C12orf54: variants seen among roughly 807,000 people sequenced by gnomAD.
C12orf54 encodes the protein uncharacterized protein C12orf54.
A neutral mutation model predicts 26.4 loss-of-function variants in C12orf54; 24 were observed. That is an observed-to-expected ratio of 0.91 (90% CI 0.66 to 1.28). The LOEUF (loss-of-function observed/expected upper bound fraction) is 1.28. Ranked by LOEUF, C12orf54 falls within the 50% of genes most tolerant of loss-of-function variation. The pLI is 0.00. For missense variants in C12orf54, 154 were observed against 150.9 expected (o/e 1.02, Z -0.11); for synonymous variants, 54 against 47.0 (o/e 1.15, Z -0.61).
chr12:48,493,118 C>A (rs1407755340), intron 7 of C12orf54, 123 bp downstream of exon 7: 2 of 830,208 alleles, frequency 2.4e-6, no homozygotes, highest in African/African-American at 1.7e-5. Context: ...TCCAAAGGGG[C>A]AAGAAGTGCC....
intron 3 of C12orf54, 124 bp from the exon 4 acceptor site, chr12:48,486,564 G>T (rs1005545997): frequency 2.0e-6 from 2 of 979,840 alleles, no homozygotes; most frequent in South Asian, 3.1e-5. Context: ...GAGAAATGGG[G>T]TGATTTTGGG....
rs1592203261 is a variant in C12orf54, at chr12:48,490,763, C to A, written c.169-49C>A. ...CTATAGCTAATACAGTGCAGGTCTG[C>A]AGGAGACCAGCCCCCATCATCTCTG... is the stretch of plus-strand genomic sequence containing the variant. On this transcript the variant is annotated intron_variant, in intron 5 of 8. Coordinates refer to ENST00000548364, the MANE Select transcript of C12orf54 (RefSeq NM_152319.4). 9 of 1,607,876 alleles carry A rather than the reference C, an allele frequency of 5.6e-6. No individual in the cohort carries two copies. The African/African-American group carries it at 8.0e-5, about 14-fold the overall frequency.
At chr12:48,430,794 T>C in the C12orf54 span, among the ~76,000 whole-genome samples, 239 of 152,316 alleles carry the variant, frequency 1.6e-3, no homozygotes, top group African/African-American at 5.3e-3. Context: ...ATCTCACTAC[T>C]GAGTATCTAC....
chr12:48,481,860 T>TC (rs769150134), upstream of C12orf54, among the ~76,000 whole-genome samples: 2 of 152,140 alleles, frequency 1.3e-5, no homozygotes, highest in Non-Finnish European at 2.9e-5. Flanking sequence ...AGGCTGCTCC[T>TC]CCAGGGGTCT....
chr12:48,430,152 C>T, the C12orf54 span, among the ~76,000 whole-genome samples: 10 of 152,222 alleles, frequency 6.6e-5, no homozygotes, highest in Admixed American at 3.9e-4. Flanking sequence ...CAAAAATTAA[C>T]TCAAGATGGA....
At chr12:48,494,712 C>T in intron 7 of C12orf54, 86 bp from the exon 8 acceptor site, 1 of 1,403,092 alleles carries the variant, frequency 7.1e-7, no homozygotes, top group Non-Finnish European at 9.9e-7. Context: ...ATAATAGAAT[C>T]TCTAAGGGCA....
the C12orf54 span, among the ~76,000 whole-genome samples, chr12:48,468,981 G>A: frequency 1.6e-4 from 24 of 152,168 alleles, no homozygotes; most frequent in Non-Finnish European, 3.1e-4. Flanking sequence ...GTGTGGGAGT[G>A]TATGAATAGG....
At chr12:48,433,473 G>A in the C12orf54 span, among the ~76,000 whole-genome samples, 2 of 148,304 alleles carry the variant, frequency 1.3e-5, no homozygotes. Flanking sequence ...GGGGGGGCAG[G>A]ATCTTGCTCT....
chr12:48,471,819 T>G, the C12orf54 span, among the ~76,000 whole-genome samples: 2 of 152,210 alleles, frequency 1.3e-5, no homozygotes, highest in African/African-American at 4.8e-5. Flanking sequence ...CTACTTTTGC[T>G]ATTCAGGCTA....
the C12orf54 span, among the ~76,000 whole-genome samples, chr12:48,460,171 T>C: frequency 6.6e-6 from 1 of 151,582 alleles, no homozygotes; most frequent in East Asian, 2.0e-4. Context: ...AAACCTAGGC[T>C]TACAGAGTTT....
chr12:48,465,702 G>A, the C12orf54 span, among the ~76,000 whole-genome samples: 1 of 151,940 alleles, frequency 6.6e-6, no homozygotes, highest in Non-Finnish European at 1.5e-5. Flanking sequence ...AGAAAATGTG[G>A]TACATACACA....
At chr12:48,434,786 G>A in the C12orf54 span, among the ~76,000 whole-genome samples, 1 of 151,860 alleles carries the variant, frequency 6.6e-6, no homozygotes, top group East Asian at 1.9e-4. Context: ...AAAGACCAAA[G>A]GTAGATAAAA....
the C12orf54 span, among the ~76,000 whole-genome samples, chr12:48,475,508 G>C: frequency 6.6e-6 from 1 of 152,138 alleles, no homozygotes; most frequent in South Asian, 2.1e-4. Context: ...AAAAAAATTA[G>C]ATGAATGGAT....
the C12orf54 span, among the ~76,000 whole-genome samples, chr12:48,418,026 A>C: frequency 1.3e-5 from 2 of 152,324 alleles, no homozygotes; most frequent in East Asian, 3.9e-4. Context: ...GCTAGAAAAA[A>C]AAATTTAGAT....
chr12:48,464,739 A>G, the C12orf54 span, among the ~76,000 whole-genome samples: 2 of 152,150 alleles, frequency 1.3e-5, no homozygotes, highest in South Asian at 2.1e-4. Flanking sequence ...CCAATAGAAC[A>G]GAATAGAGAA....
the C12orf54 span, among the ~76,000 whole-genome samples, chr12:48,476,040 C>T: frequency 2.0e-5 from 3 of 151,302 alleles, no homozygotes; most frequent in African/African-American, 7.3e-5. Context: ...AGACTAACAG[C>T]TGATCTCTCG....
chr12:48,479,379 G>C (rs537295358), upstream of C12orf54, among the ~76,000 whole-genome samples: 1 of 152,228 alleles, frequency 6.6e-6, no homozygotes, highest in East Asian at 1.9e-4. Flanking sequence ...GCGGGAGTGG[G>C]GAGGGATAGC....
At chr12:48,478,758 T>G (rs1355515542), upstream of C12orf54, among the ~76,000 whole-genome samples, 3 of 152,034 alleles carry the variant, frequency 2.0e-5, no homozygotes, top group East Asian at 3.8e-4. Flanking sequence ...AAAAAACACA[T>G]GAAAAAATGC....
At chr12:48,444,144 G>A in the C12orf54 span, among the ~76,000 whole-genome samples, 1 of 152,172 alleles carries the variant, frequency 6.6e-6, no homozygotes, top group African/African-American at 2.4e-5. Context: ...GAAAATAAAA[G>A]GTTAAATAGT....
Sources: allele counts gnomAD v4.1 joint callset (sites outside exome capture counted in the v4.1 genomes callset), GRCh38; gene constraint gnomAD v4.1.1; transcripts MANE v1.5; gene names NCBI Gene and HGNC (gene_info 2026-07-23, HGNC 2026-07-21).